SLC4A2: variants seen among roughly 807,000 people sequenced by gnomAD.
SLC4A2 encodes the protein anion exchange protein 2.
In SLC4A2, 36 loss-of-function variants were observed where a neutral mutation model predicts 115.0. The observed-to-expected ratio is 0.31, with a 90% confidence interval of 0.24 to 0.41. The LOEUF (loss-of-function observed/expected upper bound fraction) is 0.41. SLC4A2 is among the 10% of genes least tolerant of loss of function. SLC4A2 has a pLI of 1.00. For missense variants in SLC4A2, 1,252 were observed against 1,705.6 expected (o/e 0.73, Z 4.68); for synonymous variants, 708 against 708.3 (o/e 1.00, Z 0.01).
chr7:151,062,524 A>G, intron 2 of SLC4A2: 1 of 1,367,350 alleles, frequency 7.3e-7, no homozygotes, highest in Non-Finnish European at 9.4e-7. Flanking sequence ...CTTAATGATT[A>G]ACCCCGTGCC....
intron 22 of SLC4A2, 25 bp downstream of exon 22, chr7:151,076,211 C>CG: frequency 6.2e-7 from 1 of 1,610,600 alleles, no homozygotes; most frequent in African/African-American, 1.3e-5. Flanking sequence ...CTGCCTCCCC[C>CG]GGTTCCTCTT....
chr7:151,068,366 G>T (rs140744961), intron 8 of SLC4A2, among the ~76,000 whole-genome samples: 371 of 152,204 alleles, frequency 2.4e-3, no homozygotes, highest in Non-Finnish European at 3.8e-3. Flanking sequence ...CAGCTGTGTA[G>T]ACCTCACGAA....
chr7:151,075,547 C>G, intron 20 of SLC4A2, 39 bp downstream of exon 20: 2 of 1,591,588 alleles, frequency 1.3e-6, no homozygotes, highest in Non-Finnish European at 1.7e-6. Context: ...AGTGGATTCC[C>G]CAGGGCTACT....
In SLC4A2 at chr7:151,064,611, C is replaced by T. The variant is rs545256109; in HGVS notation, c.303C>T (p.Gly101=). The T allele has an allele frequency of 6.2e-7, 1 of 1,613,482 alleles. No individual in the cohort carries two copies. Among genetic ancestry groups the T allele is most frequent in the Admixed American group, 1.7e-5 (1 of 60,016 alleles). Reference sequence around the variant, plus strand: ...CACGCCGCCGCAAGACACCCCAGGGCCCAGGACGGAAGCCTCGAAGGCGCC... The same window carrying T: ...CACGCCGCCGCAAGACACCCCAGGGTCCAGGACGGAAGCCTCGAAGGCGCC... The part of the protein sequence containing the change: ...PDARRRKTPQ[G]PGRKPRRRPG... The change falls in exon 4 of 23, where the codon GGC becomes GGT. Residue 101 remains glycine, a synonymous_variant. Transcript: ENST00000413384.
At position 151,076,007 on chromosome 7, in the gene SLC4A2, C is replaced by T. The variant is rs2150380083; in HGVS notation, c.3472-6C>T. 6.3e-7 allele frequency: 1 copy of T among 1,581,082 alleles called. No individual in the cohort carries two copies. The highest frequency in any genetic ancestry group is 1.1e-5 in the South Asian group (1 of 87,052). On this transcript the variant is annotated splice_polypyrimidine_tract_variant and splice_region_variant and intron_variant, in intron 21 of 22. Coordinates refer to ENST00000413384, the MANE Select transcript of SLC4A2 (RefSeq NM_003040.4). ...GAAGCTGGGCTCACCTGTCTCCGCC[C>T]CCCAGGTCCGGACCCTCCGTATGCA...
Position 151,071,050 on chromosome 7 carries a change from C to A in SLC4A2, c.1750-22C>A. Reference sequence around the variant, plus strand: ...CAGCCCTCTTCTTTGTGCTCTCCCCCATCCCCATGCTGCTTTGGCAGCAAT... The same window carrying A: ...CAGCCCTCTTCTTTGTGCTCTCCCCAATCCCCATGCTGCTTTGGCAGCAAT... On this transcript the variant is annotated intron_variant, in intron 12 of 22. Transcript: ENST00000413384. This position sits in a 1 kb window ranked among gnomAD's most constrained non-coding sequence, Gnocchi z 5.5. 1 of 1,611,440 alleles carries A rather than the reference C, an allele frequency of 6.2e-7. No homozygotes were observed. Among genetic ancestry groups the A allele is most frequent in the Non-Finnish European group, 8.5e-7 (1 of 1,179,082 alleles).
upstream of SLC4A2, chr7:151,058,410 C>G (rs1385066019): frequency 6.2e-6 from 1 of 160,844 alleles, no homozygotes; most frequent in African/African-American, 2.4e-5. Flanking sequence ...CACCTCTCCC[C>G]AAGCCACCTA....
At chr7:151,074,927 G>A in intron 19 of SLC4A2, 86 bp downstream of exon 19, 8 of 1,358,356 alleles carry the variant, frequency 5.9e-6, no homozygotes, top group Non-Finnish European at 8.0e-6. Flanking sequence ...AGCCACACTG[G>A]GCAATCCCAG....
intron 1 of SLC4A2, chr7:151,061,408 GCT>G (rs1319654451): frequency 6.6e-6 from 1 of 152,590 alleles, no homozygotes; most frequent in African/African-American, 2.4e-5. Context: ...GGCATCTTGG[GCT>G]CTCTCCAGAG....
intron 8 of SLC4A2, among the ~76,000 whole-genome samples, chr7:151,069,477 G>A (rs1797354246): frequency 6.6e-6 from 1 of 152,150 alleles, no homozygotes; most frequent in African/African-American, 2.4e-5. Flanking sequence ...GTCTTCAGAT[G>A]GCTCCAGGGT....
In SLC4A2 at chr7:151,064,423, A is replaced by G. The variant is rs1797157909; in HGVS notation, c.217+56A>G. 1.2e-5 allele frequency: 19 copies of G among 1,570,852 alleles called. No individual in the cohort carries two copies. The South Asian group carries it at 2.1e-4, about 17-fold the overall frequency. On this transcript the variant is annotated intron_variant, in intron 3 of 22. Coordinates refer to ENST00000413384, the MANE Select transcript of SLC4A2 (RefSeq NM_003040.4). ...GGGGGATCAGGTTTGACTGTCCAGC[A>G]AAGAAGGGACTGGGGTCCTAGTGGG... is the stretch of plus-strand genomic sequence containing the variant.
intron 1 of SLC4A2, chr7:151,061,705 G>A: frequency 2.2e-6 from 1 of 456,698 alleles, no homozygotes; most frequent in Non-Finnish European, 4.0e-6. Flanking sequence ...CCTCTACTCA[G>A]CCTCTCGGCC....
At chr7:151,065,893 G>C (rs1262636569) in intron 5 of SLC4A2, among the ~76,000 whole-genome samples, 3 of 152,146 alleles carry the variant, frequency 2.0e-5, no homozygotes, top group Non-Finnish European at 4.4e-5. Flanking sequence ...AGAGAGAGGG[G>C]TAGGACCACG....
At chr7:151,062,477 C>G (rs748966097) in intron 2 of SLC4A2, 2 of 1,313,498 alleles carry the variant, frequency 1.5e-6, no homozygotes, top group Non-Finnish European at 1.9e-6. Flanking sequence ...ACGTGGCCAC[C>G]GCTCCACATG....
rs572035641 is a variant in SLC4A2 at position 151,070,597 on chromosome 7, G to A, written c.1564+26G>A. 6.0e-5 allele frequency: 97 copies of A among 1,606,706 alleles called. No individual in the cohort carries two copies. The East Asian group carries it at 1.5e-3, about 24-fold the overall frequency. ...GTATGTGGGGCAGGTCACATGTAGG[G>A]GGCTTGGTGGCCAGGCCTTGAGGCA... On this transcript the variant is annotated intron_variant, in intron 11 of 22. Coordinates refer to ENST00000413384, the MANE Select transcript of SLC4A2 (RefSeq NM_003040.4).
chr7:151,069,101 T>G (rs1797335419), intron 8 of SLC4A2, among the ~76,000 whole-genome samples: 1 of 123,092 alleles, frequency 8.1e-6, no homozygotes, highest in South Asian at 2.6e-4. Flanking sequence ...ATCATGCCAT[T>G]GCGCTCCAGC....
At chr7:151,069,157 A>AAAAAAAAAAAAAAAAAAAAAAAAAC (rs1797342076) in intron 8 of SLC4A2, among the ~76,000 whole-genome samples, 4 of 149,090 alleles carry the variant, frequency 2.7e-5, no homozygotes, top group Non-Finnish European at 5.9e-5. Context: ...AAAAAAAAAA[A>AAAAAAAAAAAAAAAAAAAAAAAAAC]AAGCAGCTGA....
intron 2 of SLC4A2, chr7:151,062,737 G>C: frequency 7.1e-7 from 1 of 1,400,572 alleles, no homozygotes; most frequent in Non-Finnish European, 9.3e-7. Context: ...CTCGTCCCAC[G>C]GGGCTGCTTC....
At chr7:151,058,286 C>T (rs1796949007), upstream of SLC4A2, 1 of 232,154 alleles carries the variant, frequency 4.3e-6, no homozygotes, top group South Asian at 6.0e-5. Flanking sequence ...GGAGCGCTCT[C>T]GGTTAGGGGT....
Sources: gnomAD v4.1 joint callset for allele counts (sites outside exome capture counted in the v4.1 genomes callset) on GRCh38, gnomAD v4.1.1 for gene constraint, Gnocchi (gnomAD v3.1) non-coding constraint, MANE v1.5 for transcripts, NCBI Gene and HGNC (gene_info 2026-07-23, HGNC 2026-07-21) for gene names.